The following COG5 variants were observed in gnomAD, a reference collection of about 807,000 sequenced individuals.
COG5 encodes conserved oligomeric Golgi complex subunit 5.
Under a neutral mutation model 110.4 loss-of-function variants are expected in COG5, and 86 were observed. That is an observed-to-expected ratio of 0.78 (90% CI 0.65 to 0.93). The LOEUF is 0.93. Ranked by LOEUF, COG5 falls within the 40% of genes least tolerant of loss-of-function variation. The pLI, the probability that COG5 is intolerant of heterozygous loss-of-function variation, is 0.00. For missense variants in COG5, 1,077 were observed against 987.0 expected (o/e 1.09, Z -1.22); for synonymous variants, 360 against 334.6 (o/e 1.08, Z -0.83).
intron 7 of COG5, among the ~76,000 whole-genome samples, chr7:107,393,358 A>G (rs1478992232): frequency 6.6e-6 from 1 of 152,018 alleles, no homozygotes; most frequent in Admixed American, 6.6e-5. Flanking sequence ...TCACTGCAAT[A>G]CCCCATCACG....
At chr7:107,260,712 G>T (rs1050033962) in intron 14 of COG5, among the ~76,000 whole-genome samples, 6 of 151,650 alleles carry the variant, frequency 4.0e-5, no homozygotes, top group Non-Finnish European at 2.9e-5. Context: ...TATAGTTTTG[G>T]GTACAAAATA....
At chr7:107,368,921 G>A (rs1381341029) in intron 8 of COG5, among the ~76,000 whole-genome samples, 1 of 152,178 alleles carries the variant, frequency 6.6e-6, no homozygotes, top group African/African-American at 2.4e-5. Flanking sequence ...TCCTTTGCTG[G>A]TCTCATTTCC....
At chr7:107,351,196 C>A (rs1399948066) in intron 10 of COG5, among the ~76,000 whole-genome samples, 2 of 152,126 alleles carry the variant, frequency 1.3e-5, no homozygotes, top group Non-Finnish European at 2.9e-5. Context: ...CTGACAAAAA[C>A]AAGCAATGGG....
At chr7:107,367,289 A>C (rs530804380) in intron 8 of COG5, among the ~76,000 whole-genome samples, 2 of 152,212 alleles carry the variant, frequency 1.3e-5, no homozygotes, top group Non-Finnish European at 2.9e-5. Flanking sequence ...TGAAAAATCA[A>C]CTAGATTATG....
rs1797422277 is a variant in COG5, at chr7:107,482,676, T to TAC, written c.538+44559_538+44560dup. Reference sequence around the variant, plus strand: ...TTGGATTATATATACTATAATCCAGTACTACATTAGATTTCTAAGAAATAT... The same window carrying TAC: ...TTGGATTATATATACTATAATCCAGTACACTACATTAGATTTCTAAGAAATAT... On this transcript the variant is annotated intron_variant, in intron 6 of 21. Coordinates refer to ENST00000297135, the MANE Select transcript of COG5 (RefSeq NM_006348.5). 2.0e-5 allele frequency among the ~76,000 whole-genome samples: 3 copies of TAC among 152,114 alleles called. No homozygotes were observed. In the South Asian group the frequency reaches 6.2e-4, roughly 31 times the overall value.
chr7:107,288,441 G>T (rs940111100), intron 12 of COG5, among the ~76,000 whole-genome samples: 2 of 152,076 alleles, frequency 1.3e-5, no homozygotes, highest in African/African-American at 4.8e-5. Flanking sequence ...AACATATGAG[G>T]ATAGTAATTT....
rs989655349 is a variant in COG5, at chr7:107,370,316, G to T, written c.835+2279C>A. ...ATAATCTTACACTTATAAAAAAATT[G>T]TAAGTATTGTAAAAAAAAATTTTCC... On this transcript the variant is annotated intron_variant, in intron 8 of 21. Coordinates refer to ENST00000297135, the MANE Select transcript of COG5 (RefSeq NM_006348.5). Among the ~76,000 whole-genome samples, 6 of 152,036 alleles carry T rather than the reference G, an allele frequency of 3.9e-5. No homozygotes were observed. In the East Asian group the frequency reaches 9.7e-4, roughly 24 times the overall value.
In COG5 at chr7:107,236,467, C is replaced by T. The variant is rs201417831; in HGVS notation, c.2074G>A (p.Ala692Thr). 2 of 1,613,830 alleles carry T rather than the reference C, an allele frequency of 1.2e-6. No homozygotes were observed. The highest frequency in any genetic ancestry group is 1.7e-6 in the Non-Finnish European group (2 of 1,179,712). Residue 692 changes from alanine to threonine, a missense_variant, in exon 18 of 22, where the codon GCT (alanine) becomes ACT (threonine). Ala to Thr is a moderately conservative substitution (Grantham distance 58). Coordinates refer to ENST00000297135, the MANE Select transcript of COG5 (RefSeq NM_006348.5). ...CAATGTACCTGTGCAAAATCAGCAGCAAGTCGCATTTTCCCACCTTCACCA... is the reference window on the plus strand; with the variant it reads ...CAATGTACCTGTGCAAAATCAGCAGTAAGTCGCATTTTCCCACCTTCACCA... ...PLGEGGKMRL[A>T]ADFAQMELAV...
chr7:107,361,135 C>G (rs956649417), intron 10 of COG5, among the ~76,000 whole-genome samples: 1 of 152,138 alleles, frequency 6.6e-6, no homozygotes, highest in South Asian at 2.1e-4. Flanking sequence ...TTTCTTTGGG[C>G]TACTGGAGGT....
chr7:107,324,543 T>G (rs1402407816), intron 10 of COG5, 22 bp from the exon 11 acceptor site: 1 of 1,472,658 alleles, frequency 6.8e-7, no homozygotes, highest in Non-Finnish European at 9.4e-7. Context: ...AAACAAAAAT[T>G]TTTTAAAAAT....
chr7:107,442,436 A>G (rs1433296177), intron 6 of COG5, among the ~76,000 whole-genome samples: 1 of 152,026 alleles, frequency 6.6e-6, no homozygotes, highest in Non-Finnish European at 1.5e-5. Flanking sequence ...GGCCTTGACA[A>G]AAGAGAAAGC....
chr7:107,302,135 T>C (rs1048362408), intron 11 of COG5, among the ~76,000 whole-genome samples: 2 of 152,168 alleles, frequency 1.3e-5, no homozygotes, highest in African/African-American at 4.8e-5. Flanking sequence ...AACAATCCAA[T>C]GTCCATCAAC....
intron 7 of COG5, among the ~76,000 whole-genome samples, chr7:107,374,838 C>T (rs1814492013): frequency 6.6e-6 from 1 of 152,020 alleles, no homozygotes; most frequent in East Asian, 1.9e-4. Context: ...TAGCTTAACA[C>T]ATAGATTATG....
At chr7:107,348,653 C>T (rs1214729127) in intron 10 of COG5, among the ~76,000 whole-genome samples, 1 of 152,006 alleles carries the variant, frequency 6.6e-6, no homozygotes, top group African/African-American at 2.4e-5. Context: ...AATAGCCCCC[C>T]AAAAACCCAC....
intron 6 of COG5, among the ~76,000 whole-genome samples, chr7:107,486,656 C>T (rs1797674445): frequency 6.6e-6 from 1 of 151,906 alleles, no homozygotes; most frequent in Admixed American, 6.6e-5. Context: ...ACCATAATCC[C>T]AGGATTTAAA....
At chr7:107,278,681 T>C (rs573246341) in intron 14 of COG5, among the ~76,000 whole-genome samples, 2 of 152,140 alleles carry the variant, frequency 1.3e-5, no homozygotes, top group African/African-American at 4.8e-5. Flanking sequence ...AAACAAGCAA[T>C]GGGGAAAGGA....
chr7:107,246,923 T>C (rs1348786785), intron 17 of COG5, among the ~76,000 whole-genome samples: 1 of 152,230 alleles, frequency 6.6e-6, no homozygotes. Context: ...TGCATGTGCA[T>C]GTTCATCGCA....
rs557334054 is a variant in COG5, at chr7:107,516,402, T to C, written c.538+10835A>G. Among the ~76,000 whole-genome samples, 4 of 152,364 alleles carry C rather than the reference T, an allele frequency of 2.6e-5. No homozygotes were observed. The South Asian group carries it at 8.3e-4, about 32-fold the overall frequency. On this transcript the variant is annotated intron_variant, in intron 6 of 21. Coordinates refer to ENST00000297135, the MANE Select transcript of COG5 (RefSeq NM_006348.5). ...ATATACTTTGCAAATATTTTCTCCT[T>C]GTCCACAGTTTGTCTTTTTATTCTC...
At chr7:107,444,556 T>C (rs1398841805) in intron 6 of COG5, among the ~76,000 whole-genome samples, 4 of 152,192 alleles carry the variant, frequency 2.6e-5, no homozygotes, top group African/African-American at 9.6e-5. Context: ...TTCTAATTCT[T>C]CAAACAATAT....
Sources: gnomAD v4.1 joint callset for allele counts (sites outside exome capture counted in the v4.1 genomes callset) on GRCh38, gnomAD v4.1.1 for gene constraint, MANE v1.5 for transcripts, NCBI Gene and HGNC (gene_info 2026-07-23, HGNC 2026-07-21) for gene names.